Variants in KSR2 observed in about 807,000 individuals in gnomAD.
KSR2 encodes the protein kinase suppressor of ras 2.
KSR2 carries 25 observed loss-of-function variants against 107.8 expected under a neutral mutation model. The ratio of observed to expected loss-of-function variants is 0.23; its 90% CI spans 0.17 to 0.32. The LOEUF (loss-of-function observed/expected upper bound fraction) is 0.32. Ranked by LOEUF, KSR2 falls within the 10% of genes least tolerant of loss-of-function variation. The pLI, the probability that KSR2 is intolerant of heterozygous loss-of-function variation, is 1.00. For missense variants in KSR2, 887 were observed against 1,268.9 expected (o/e 0.70, Z 4.57); for synonymous variants, 480 against 507.0 (o/e 0.95, Z 0.71).
intron 5 of KSR2, among the ~76,000 whole-genome samples, chr12:117,660,786 A>AT (rs60054757): frequency 0.11 from 16,109 of 152,246 alleles, 930 homozygotes; most frequent in East Asian, 0.17. Context: ...AATCATGACA[A>AT]TTTGACACAC....
intron 1 of KSR2, among the ~76,000 whole-genome samples, chr12:117,912,186 A>G (rs1029118346): frequency 3.9e-5 from 6 of 152,238 alleles, no homozygotes; most frequent in Admixed American, 3.3e-4. Flanking sequence ...CAGAGCCATT[A>G]TGTACTAAAT....
rs569968528 is a variant in KSR2, at chr12:117,550,996, G to A, written c.1518+4173C>T. 6.1e-4 allele frequency among the ~76,000 whole-genome samples: 93 copies of A among 152,284 alleles called. 1 individual carries two copies. Among genetic ancestry groups the A allele is most frequent in the African/African-American group, 2.0e-3 (82 of 41,532 alleles). On this transcript the variant is annotated intron_variant, in intron 9 of 19. Transcript: ENST00000339824. The stretch of plus-strand genomic sequence containing the variant: ...CTCATTTTGCGGAGCCAGCCTAGGC[G>A]GGTCTCTGTACCTTGCAACCAACCA...
chr12:117,931,562 G>A (rs1439777087), intron 1 of KSR2, among the ~76,000 whole-genome samples: 1 of 152,160 alleles, frequency 6.6e-6, no homozygotes, highest in East Asian at 1.9e-4. Flanking sequence ...ACTGCTAGAC[G>A]TTCTCTCTTC....
At chr12:117,848,833 TA>T (rs1566048320) in intron 3 of KSR2, among the ~76,000 whole-genome samples, 1 of 132,574 alleles carries the variant, frequency 7.5e-6, no homozygotes, top group African/African-American at 3.1e-5. Context: ...GTGATGGTGG[TA>T]GTGGTGGTGA....
chr12:117,762,050 T>G (rs1421700301), intron 3 of KSR2, among the ~76,000 whole-genome samples: 2 of 152,236 alleles, frequency 1.3e-5, no homozygotes, highest in African/African-American at 4.8e-5. Flanking sequence ...ATCCCCTTGT[T>G]GACCCTGTTA....
At chr12:117,921,220 C>G (rs1290248184) in intron 1 of KSR2, among the ~76,000 whole-genome samples, 1 of 152,152 alleles carries the variant, frequency 6.6e-6, no homozygotes, top group African/African-American at 2.4e-5. Flanking sequence ...GTAAAGTCCT[C>G]AGAACTTTAC....
At chr12:117,692,118 A>G (rs1340909400) in intron 4 of KSR2, among the ~76,000 whole-genome samples, 4 of 152,162 alleles carry the variant, frequency 2.6e-5, no homozygotes, top group Non-Finnish European at 5.9e-5. Context: ...GAACAGAAAG[A>G]CAATCCAGTT....
intron 14 of KSR2, among the ~76,000 whole-genome samples, chr12:117,508,171 G>A (rs1022637465): frequency 3.9e-5 from 6 of 152,220 alleles, no homozygotes; most frequent in African/African-American, 1.4e-4. Flanking sequence ...ATCCACAGAT[G>A]TGCAGTTCAC....
At chr12:117,623,310 A>C (rs1850404) in intron 5 of KSR2, among the ~76,000 whole-genome samples, 138,169 of 151,984 alleles carry the variant, frequency 0.91, 63,065 homozygotes, top group East Asian at 0.99. Context: ...TATACATGTG[A>C]CTTGTTGGTT....
intron 1 of KSR2, among the ~76,000 whole-genome samples, chr12:117,911,241 G>A (rs1895006241): frequency 6.6e-6 from 1 of 151,950 alleles, no homozygotes; most frequent in Admixed American, 6.6e-5. Flanking sequence ...CGGATGGTGG[G>A]CTTGGTCATG....
chr12:117,594,779 C>T (rs888000422), intron 5 of KSR2, among the ~76,000 whole-genome samples: 4 of 152,188 alleles, frequency 2.6e-5, no homozygotes, highest in Admixed American at 2.0e-4. Flanking sequence ...AGTTCTCAAT[C>T]GTGAGCCCTG....
At chr12:117,705,172 G>C (rs1886474505) in intron 4 of KSR2, among the ~76,000 whole-genome samples, 1 of 152,134 alleles carries the variant, frequency 6.6e-6, no homozygotes. Flanking sequence ...TGGGGACTCT[G>C]AGAGCTGATA....
chr12:117,920,637 T>C (rs376540918), intron 1 of KSR2, among the ~76,000 whole-genome samples: 1 of 152,090 alleles, frequency 6.6e-6, no homozygotes, highest in African/African-American at 2.4e-5. Context: ...ACAATTTCTG[T>C]TTTTTAGATA....
intron 12 of KSR2, among the ~76,000 whole-genome samples, chr12:117,529,129 G>A (rs866299054): frequency 1.3e-5 from 2 of 152,194 alleles, no homozygotes; most frequent in African/African-American, 4.8e-5. Context: ...AACTAAGTAG[G>A]CACAAAGGTG....
intron 3 of KSR2, among the ~76,000 whole-genome samples, chr12:117,772,300 A>C (rs1889510766): frequency 9.8e-6 from 1 of 101,646 alleles, no homozygotes; most frequent in Admixed American, 1.2e-4. Flanking sequence ...CATACACACC[A>C]TTCCCCCAAA....
At chr12:117,521,226 G>A (rs1379468828) in intron 14 of KSR2, among the ~76,000 whole-genome samples, 7 of 152,124 alleles carry the variant, frequency 4.6e-5, no homozygotes, top group African/African-American at 9.7e-5. Context: ...GTCCAGGTAC[G>A]CCATCTTTGA....
intron 4 of KSR2, among the ~76,000 whole-genome samples, chr12:117,749,999 G>A (rs1288697703): frequency 2.0e-5 from 3 of 152,282 alleles, no homozygotes; most frequent in East Asian, 1.9e-4. Context: ...TGTAATCCTA[G>A]CACTCTGGGA....
rs149656591 is a variant in KSR2, at chr12:117,471,052, C to G, written c.2712+139G>C. ...TGCCTTTTAAGCTTCAAACTGCCAT[C>G]TGACAAGGTTGGAATGCATATTTTT... On this transcript the variant is annotated intron_variant, in intron 18 of 19. Coordinates refer to ENST00000339824, the MANE Select transcript of KSR2 (RefSeq NM_173598.6). The G allele has an allele frequency of 7.3e-5, 74 of 1,016,638 alleles. No homozygotes were observed. The East Asian group carries it at 2.1e-3, about 29-fold the overall frequency. The allele number at this position is 1,016,638 out of a possible 1,614,324, so 63.0% of individuals were successfully genotyped here.
intron 5 of KSR2, among the ~76,000 whole-genome samples, chr12:117,617,125 A>G (rs1411622143): frequency 6.6e-6 from 1 of 152,054 alleles, no homozygotes; most frequent in African/African-American, 2.4e-5. Flanking sequence ...CTTGATCACT[A>G]TCTCTTCAAA....
Sources: allele counts gnomAD v4.1 joint callset (sites outside exome capture counted in the v4.1 genomes callset), GRCh38; gene constraint gnomAD v4.1.1; transcripts MANE v1.5; gene names NCBI Gene and HGNC (gene_info 2026-07-23, HGNC 2026-07-21).